Variants in CORIN observed in about 807,000 individuals in gnomAD.
CORIN encodes the protein atrial natriuretic peptide-converting enzyme.
CORIN carries 117 observed loss-of-function variants against 125.3 expected under a neutral mutation model. That is an observed-to-expected ratio of 0.93 (90% CI 0.80 to 1.09). The LOEUF (loss-of-function observed/expected upper bound fraction) is 1.09. Ranked by LOEUF, CORIN falls within the 50% of genes least tolerant of loss-of-function variation. The pLI, the probability that CORIN is intolerant of heterozygous loss-of-function variation, is 0.00. For synonymous variants in CORIN, 450 were observed against 466.4 expected, an observed-to-expected ratio of 0.96 and a Z score of 0.45; for missense variants, 1,253 against 1,306.7, an observed-to-expected ratio of 0.96 and a Z score of 0.63.
chr4:47,647,614 C>A (rs558743378), intron 13 of CORIN, among the ~76,000 whole-genome samples: 1 of 152,250 alleles, frequency 6.6e-6, no homozygotes, highest in East Asian at 1.9e-4. Context: ...ACTATAATGT[C>A]AGTATTATGC....
intron 19 of CORIN, among the ~76,000 whole-genome samples, chr4:47,608,217 A>C (rs943374975): frequency 6.6e-6 from 1 of 152,032 alleles, no homozygotes; most frequent in Non-Finnish European, 1.5e-5. Context: ...GCTACTCAGG[A>C]GGCTGAGGCA....
intron 12 of CORIN, among the ~76,000 whole-genome samples, chr4:47,657,385 A>C (rs938510613): frequency 6.6e-6 from 1 of 151,910 alleles, no homozygotes; most frequent in Non-Finnish European, 1.5e-5. Context: ...TACAAAAAAA[A>C]TTAGCCAGGC....
intron 19 of CORIN, 61 bp downstream of exon 19, chr4:47,623,509 GA>G (rs1722421823): frequency 1.3e-6 from 2 of 1,557,570 alleles, no homozygotes; most frequent in African/African-American, 1.4e-5. Context: ...ATGCCACTGA[GA>G]ATTCCCGAGT....
chr4:47,613,881 C>T (rs566696490), intron 19 of CORIN, among the ~76,000 whole-genome samples: 9 of 151,092 alleles, frequency 6.0e-5, no homozygotes, highest in African/African-American at 1.2e-4. Context: ...GTGGGTGCAG[C>T]GCACCAGCAT....
At chr4:47,760,523 G>A (rs1283641430) in intron 4 of CORIN, among the ~76,000 whole-genome samples, 1 of 152,142 alleles carries the variant, frequency 6.6e-6, no homozygotes, top group Non-Finnish European at 1.5e-5. Context: ...CAGTAAACAG[G>A]TGTGCTGTCA....
chr4:47,706,529 A>G (rs1275638101), intron 5 of CORIN: 1 of 1,611,366 alleles, frequency 6.2e-7, no homozygotes, highest in Non-Finnish European at 8.5e-7. Flanking sequence ...CAACTGGGCT[A>G]CAAGGCCAAG....
At chr4:47,721,726 G>A (rs934101072) in intron 5 of CORIN, among the ~76,000 whole-genome samples, 1 of 152,250 alleles carries the variant, frequency 6.6e-6, no homozygotes, top group Admixed American at 6.5e-5. Context: ...GCTGCTGGGA[G>A]GAGTAAATAA....
At chr4:47,654,874 C>T (rs578021514) in intron 12 of CORIN, among the ~76,000 whole-genome samples, 1 of 151,640 alleles carries the variant, frequency 6.6e-6, no homozygotes, top group Admixed American at 6.6e-5. Context: ...TCCCCAACCC[C>T]AGGCAGGCAC....
At chr4:47,697,042 C>A in intron 5 of CORIN, among the ~76,000 whole-genome samples, 1 of 152,172 alleles carries the variant, frequency 6.6e-6, no homozygotes, top group East Asian at 1.9e-4. Context: ...ATCACATGGG[C>A]CCGTGCTGAG....
At position 47,595,623 on chromosome 4, in the gene CORIN, A is replaced by G; in HGVS notation, c.*98T>C. 1 of 835,250 alleles carries G rather than the reference A, an allele frequency of 1.2e-6. No individual in the cohort carries two copies. The highest frequency in any genetic ancestry group is 1.8e-6 in the Non-Finnish European group (1 of 563,774). 51.7% of individuals were successfully genotyped at this position (835,250 alleles called of 1,614,324 possible). ...CACGATTGAGCATTTCTGTCCATGA[A>G]AAGTGCTTCTGTACAGCTCTCTGCA... On this transcript the variant is annotated 3_prime_UTR_variant, in exon 22 of 22. Transcript: ENST00000273857.
At chr4:47,766,035 G>C (rs1430940134) in intron 3 of CORIN, among the ~76,000 whole-genome samples, 1 of 152,128 alleles carries the variant, frequency 6.6e-6, no homozygotes, top group Non-Finnish European at 1.5e-5. Context: ...AATATTTAAA[G>C]GGGGCTTTCT....
chr4:47,706,427 C>G (rs1337348349), intron 5 of CORIN: 7 of 1,609,460 alleles, frequency 4.3e-6, no homozygotes, highest in Non-Finnish European at 5.1e-6. Flanking sequence ...TCTGATGTCA[C>G]GCGCTTTCTT....
At chr4:47,699,643 T>A (rs1300936874) in intron 5 of CORIN, among the ~76,000 whole-genome samples, 1 of 152,238 alleles carries the variant, frequency 6.6e-6, no homozygotes, top group Non-Finnish European at 1.5e-5. Flanking sequence ...ATATGAGGTG[T>A]CTATGGAGCA....
chr4:47,729,905 G>C (rs911620971), intron 5 of CORIN, among the ~76,000 whole-genome samples: 1 of 152,192 alleles, frequency 6.6e-6, no homozygotes, highest in Non-Finnish European at 1.5e-5. Flanking sequence ...CAGCGGAGAA[G>C]TCTGGCCGCT....
At chr4:47,672,984 C>T (rs990420815) in intron 10 of CORIN, among the ~76,000 whole-genome samples, 7 of 151,836 alleles carry the variant, frequency 4.6e-5, no homozygotes, top group Admixed American at 2.0e-4. Flanking sequence ...AAATTAGGAC[C>T]GCGAAACTGC....
intron 3 of CORIN, among the ~76,000 whole-genome samples, chr4:47,785,483 A>C (rs1730749670): frequency 6.6e-6 from 1 of 152,000 alleles, no homozygotes; most frequent in Non-Finnish European, 1.5e-5. Flanking sequence ...CTCATGCAGA[A>C]GAGTTTGGCA....
chr4:47,800,264 T>C (rs139058307), intron 2 of CORIN, among the ~76,000 whole-genome samples: 1,593 of 151,896 alleles, frequency 0.01, 20 homozygotes, highest in African/African-American at 0.036. Context: ...TAAGAATAAA[T>C]TATTAATTAA....
chr4:47,711,062 G>T lies in CORIN; in HGVS notation c.800-17979C>A, dbSNP rs200937276. ...TTGAAGAACAAAGAATGTCAAGGAG[G>T]GTAGTGGGATGAAAGCTTGAGAGAA... On this transcript the variant is annotated intron_variant, in intron 5 of 21. Coordinates refer to ENST00000273857, the MANE Select transcript of CORIN (RefSeq NM_006587.4). Among the ~76,000 whole-genome samples, 14 of 152,270 alleles carry T rather than the reference G, an allele frequency of 9.2e-5. No individual in the cohort carries two copies. The East Asian group carries it at 2.5e-3, about 27-fold the overall frequency.
chr4:47,706,642 C>T (rs1726573882), intron 5 of CORIN: 3 of 1,608,472 alleles, frequency 1.9e-6, no homozygotes, highest in African/African-American at 2.7e-5. Flanking sequence ...TGGTGTTAAC[C>T]AGCTAAAATT....
Sources: gnomAD v4.1 joint callset for allele counts (sites outside exome capture counted in the v4.1 genomes callset) on GRCh38, gnomAD v4.1.1 for gene constraint, MANE v1.5 for transcripts, NCBI Gene and HGNC (gene_info 2026-07-23, HGNC 2026-07-21) for gene names.